The following RPL37A variants were observed in gnomAD, a reference collection of about 807,000 sequenced individuals.
The protein encoded by RPL37A is ribosomal protein L37a.
Under a neutral mutation model 13.6 loss-of-function variants are expected in RPL37A, and 5 were observed. That is an observed-to-expected ratio of 0.37 (90% CI 0.19 to 0.78). The LOEUF (loss-of-function observed/expected upper bound fraction) is 0.78, where lower values mean the gene tolerates loss of function less well. Among genes scored for constraint, RPL37A ranks in the 30% least tolerant of loss-of-function variants. The pLI, the probability that RPL37A is intolerant of heterozygous loss-of-function variation, is 0.49. For missense variants in RPL37A, 77 were observed against 120.0 expected (o/e 0.64, Z 1.67); for synonymous variants, 50 against 44.4 (o/e 1.13, Z -0.50).
chr2:216,503,780 T>C lies in RPL37A; in HGVS notation c.*2376T>C, dbSNP rs1021324981. 1 of 152,198 alleles carries C rather than the reference T, an allele frequency of 6.6e-6. No homozygotes were observed. Among genetic ancestry groups the C allele is most frequent in the African/African-American group, 2.4e-5 (1 of 41,434 alleles). The allele number at this position is 152,198 out of a possible 1,614,324, so 9.4% of individuals were successfully genotyped here. A position where few individuals can be genotyped will look rare whatever the true frequency, so the allele number is the denominator to read the frequency against. ...CCAGTGAAAGTGCTGAGATAAATAT[T>C]TTTATACCTAAGGAAATAGTGATTT... On this transcript the variant is annotated 3_prime_UTR_variant, in exon 4 of 4. Coordinates refer to ENST00000491306, the MANE Select transcript of RPL37A (RefSeq NM_000998.5).
chr2:216,501,129 T>C (rs1190139894), intron 3 of RPL37A: 2 of 459,674 alleles, frequency 4.4e-6, no homozygotes, highest in South Asian at 2.9e-5. Flanking sequence ...TCATGTAGTT[T>C]AGAAGCCACT....
At chr2:216,501,252 T>C in intron 3 of RPL37A, 89 bp from the exon 4 acceptor site, 2 of 1,125,798 alleles carry the variant, frequency 1.8e-6, no homozygotes, top group Non-Finnish European at 2.7e-6. Flanking sequence ...GGGAAGCGAC[T>C]TTAACACAAA....
At chr2:216,500,473 A>C (rs1695580852) in intron 3 of RPL37A, 1 of 193,548 alleles carries the variant, frequency 5.2e-6, no homozygotes, top group Admixed American at 5.3e-5. Flanking sequence ...CAGGTTTGTG[A>C]ATCTGCAACT....
At chr2:216,499,884 C>T (rs756234606) in intron 2 of RPL37A, 65 bp from the exon 3 acceptor site, 1 of 1,376,226 alleles carries the variant, frequency 7.3e-7, no homozygotes, top group African/African-American at 1.4e-5. Flanking sequence ...CAAATTTAGA[C>T]TTCTGGATGC....
chr2:216,500,107 C>A, intron 3 of RPL37A, 76 bp downstream of exon 3: 2 of 1,048,262 alleles, frequency 1.9e-6, no homozygotes, highest in South Asian at 1.3e-5. Flanking sequence ...GCTGGATGGG[C>A]TAGTTTTAAC....
chr2:216,501,315 G>T (rs773689352), intron 3 of RPL37A, 26 bp from the exon 4 acceptor site: 1 of 1,599,302 alleles, frequency 6.3e-7, no homozygotes, highest in Non-Finnish European at 8.6e-7. Context: ...GCTTAATTAT[G>T]TTGGAAACTG....
intron 3 of RPL37A, chr2:216,500,922 A>G (rs539895672): frequency 6.7e-4 from 104 of 154,790 alleles, no homozygotes; most frequent in Non-Finnish European, 1.3e-3. Context: ...TAATCTGTCC[A>G]TTCCCTTTTA....
Position 216,499,707 on chromosome 2 carries a change from A to G in RPL37A, c.133-242A>G. 3 of 672,352 alleles carry G rather than the reference A, an allele frequency of 4.5e-6. No individual in the cohort carries two copies. The South Asian group carries it at 4.8e-5, about 11-fold the overall frequency. The allele number at this position is 672,352 out of a possible 1,614,324, so 41.6% of individuals were successfully genotyped here. On this transcript the variant is annotated intron_variant, in intron 2 of 3. Coordinates refer to ENST00000491306, the MANE Select transcript of RPL37A (RefSeq NM_000998.5). ...TTTTGTCTACTGATGTTTCTGCACCAACTCCCAAGATGTCTGTGCATCTAA... is the reference window on the plus strand; with the variant it reads ...TTTTGTCTACTGATGTTTCTGCACCGACTCCCAAGATGTCTGTGCATCTAA...
At position 216,501,464 on chromosome 2, in the gene RPL37A, A is replaced by G. The variant is rs540069493; in HGVS notation, c.*60A>G. On this transcript the variant is annotated 3_prime_UTR_variant, in exon 4 of 4. Coordinates refer to ENST00000491306, the MANE Select transcript of RPL37A (RefSeq NM_000998.5). ...TAATAAATGGGTTAATTTATGTAAC[A>G]AAATTGCCTTGGCTTGTTAACTTTA... 2 of 1,243,584 alleles carry G rather than the reference A, an allele frequency of 1.6e-6. No individual in the cohort carries two copies. The highest frequency in any genetic ancestry group is 2.3e-5 in the East Asian group (1 of 42,900). 77.0% of individuals were successfully genotyped at this position (1,243,584 alleles called of 1,614,324 possible).
At chr2:216,499,811 A>G in intron 2 of RPL37A, 138 bp from the exon 3 acceptor site, 1 of 779,154 alleles carries the variant, frequency 1.3e-6, no homozygotes, top group Non-Finnish European at 2.2e-6. Context: ...GCATTACAGC[A>G]ATCCCTGTTT....
rs960209315 is a variant in RPL37A at position 216,503,862 on chromosome 2, C to T, written c.*2458C>T. 6.6e-6 allele frequency: 1 copy of T among 152,182 alleles called. No individual in the cohort carries two copies. The highest frequency in any genetic ancestry group is 2.4e-5 in the African/African-American group (1 of 41,432). The allele number at this position is 152,182 out of a possible 1,614,324, so 9.4% of individuals were successfully genotyped here. On this transcript the variant is annotated 3_prime_UTR_variant, in exon 4 of 4. Transcript: ENST00000491306. ...ATAGGGCTGAAGATTAGATTTCTGG[C>T]TCCTATCTGTGATTTTCTGCTGTAC...
chr2:216,499,452 A>G (rs957107254), intron 2 of RPL37A, 54 bp downstream of exon 2: 21 of 1,597,132 alleles, frequency 1.3e-5, no homozygotes, highest in Admixed American at 3.5e-5. Flanking sequence ...TTTCTTACCC[A>G]AGTGAGGCCT....
rs1695599495 is a variant in RPL37A, at chr2:216,501,459, G to A, written c.*55G>A. ...GCCTATAATAAATGGGTTAATTTAT[G>A]TAACAAAATTGCCTTGGCTTGTTAA... On this transcript the variant is annotated 3_prime_UTR_variant, in exon 4 of 4. Transcript: ENST00000491306. 7.8e-7 allele frequency: 1 copy of A among 1,286,508 alleles called. No homozygotes were observed. The highest frequency in any genetic ancestry group is 1.1e-6 in the Non-Finnish European group (1 of 892,572). The allele number at this position is 1,286,508 out of a possible 1,614,324, so 79.7% of individuals were successfully genotyped here.
In RPL37A at chr2:216,503,036, C is replaced by T; in HGVS notation, c.*1632C>T. On this transcript the variant is annotated 3_prime_UTR_variant, in exon 4 of 4. Transcript: ENST00000491306. Reference sequence around the variant, plus strand: ...TACTGTGGGTCAGTAGGGGTAGGACCAGGAGTGACAAGTCAGGATTTTCAG... The same window carrying T: ...TACTGTGGGTCAGTAGGGGTAGGACTAGGAGTGACAAGTCAGGATTTTCAG... The T allele has an allele frequency of 6.6e-6, 1 of 152,228 alleles. No individual in the cohort carries two copies. The allele number at this position is 152,228 out of a possible 1,614,324, so 9.4% of individuals were successfully genotyped here.
rs535330042 is a variant in RPL37A, at chr2:216,500,045, C to T, written c.215+14C>T. The T allele has an allele frequency of 4.4e-6, 7 of 1,609,178 alleles. No individual in the cohort carries two copies. The Admixed American group carries it at 8.3e-5, about 19-fold the overall frequency. On this transcript the variant is annotated intron_variant, in intron 3 of 3. Coordinates refer to ENST00000491306, the MANE Select transcript of RPL37A (RefSeq NM_000998.5). Reference sequence around the variant, plus strand: ...CTGGACGTACAAGTGAGTCTAGTTCCTTGTGGTATTTGGAAGTGTGTGGAC... The same window carrying T: ...CTGGACGTACAAGTGAGTCTAGTTCTTTGTGGTATTTGGAAGTGTGTGGAC...
chr2:216,501,266 G>A (rs893589053), intron 3 of RPL37A, 75 bp from the exon 4 acceptor site: 13 of 1,251,168 alleles, frequency 1.0e-5, no homozygotes, highest in East Asian at 2.3e-5. Flanking sequence ...ACACAAAAAC[G>A]AGGCAGATTT....
In RPL37A at chr2:216,502,490, C is replaced by T. The variant is rs570910745; in HGVS notation, c.*1086C>T. ...GCAATTCTCCAGTTTTTAGTTTGCA[C>T]GTAAGGATTCGTAGGATTGATTTCA... On this transcript the variant is annotated 3_prime_UTR_variant, in exon 4 of 4. Transcript: ENST00000491306. 44 of 152,260 alleles carry T rather than the reference C, an allele frequency of 2.9e-4. No individual in the cohort carries two copies. The highest frequency in any genetic ancestry group is 1.0e-3 in the African/African-American group (43 of 41,540). The allele number at this position is 152,260 out of a possible 1,614,324, so 9.4% of individuals were successfully genotyped here. A position where few individuals can be genotyped will look rare whatever the true frequency, so the allele number is the denominator to read the frequency against.
chr2:216,499,140 A>T, intron 1 of RPL37A, 130 bp from the exon 2 acceptor site: 19 of 1,275,494 alleles, frequency 1.5e-5, no homozygotes, highest in Non-Finnish European at 2.0e-5. Flanking sequence ...GGTTGAATTT[A>T]GGGAAAACTA....
In RPL37A at chr2:216,502,307, G is replaced by T. The variant is rs1695612641; in HGVS notation, c.*903G>T. On this transcript the variant is annotated 3_prime_UTR_variant, in exon 4 of 4. Coordinates refer to ENST00000491306, the MANE Select transcript of RPL37A (RefSeq NM_000998.5). ...GTGCCACTGCACTTTATTTAGCCAG[G>T]ACAACACTCTGTCTCCAAAAAAAAG... The T allele has an allele frequency of 6.6e-6, 1 of 151,308 alleles. No individual in the cohort carries two copies. Among genetic ancestry groups the T allele is most frequent in the Non-Finnish European group, 1.5e-5 (1 of 68,004 alleles). The allele number at this position is 151,308 out of a possible 1,614,324, so 9.4% of individuals were successfully genotyped here. A position where few individuals can be genotyped will look rare whatever the true frequency, so the allele number is the denominator to read the frequency against.
Sources: allele counts gnomAD v4.1 joint callset, GRCh38; gene constraint gnomAD v4.1.1; transcripts MANE v1.5; gene names NCBI Gene and HGNC (gene_info 2026-07-23, HGNC 2026-07-21).